FAM114A1: variants seen among roughly 807,000 people sequenced by gnomAD.
FAM114A1 encodes the protein family with sequence similarity 114 member A1.
A neutral mutation model predicts 64.3 loss-of-function variants in FAM114A1; 62 were observed. That is an observed-to-expected ratio of 0.96 (90% confidence interval 0.79 to 1.19). The LOEUF (loss-of-function observed/expected upper bound fraction) is 1.19. Among genes scored for constraint, FAM114A1 ranks in the 50% most tolerant of loss-of-function variants. The pLI, the probability that FAM114A1 is intolerant of heterozygous loss-of-function variation, is 0.00. For missense variants in FAM114A1, 645 were observed against 676.3 expected (o/e 0.95, Z 0.51); for synonymous variants, 254 against 251.1 (o/e 1.01, Z -0.11).
chr4:38,899,840 CATTTTGA>C (rs1291707144), intron 4 of FAM114A1, among the ~76,000 whole-genome samples: 1 of 152,110 alleles, frequency 6.6e-6, no homozygotes, highest in East Asian at 1.9e-4. Context: ...TCCAATATTA[CATTTTGA>C]ATACATTTAA....
intron 14 of FAM114A1, among the ~76,000 whole-genome samples, chr4:38,941,887 A>G (rs539943097): frequency 2.0e-5 from 3 of 152,340 alleles, no homozygotes; most frequent in East Asian, 1.9e-4. Context: ...TATTAGTCCA[A>G]TTTCACACTG....
chr4:38,942,391 A>G (rs1560339908), intron 14 of FAM114A1, among the ~76,000 whole-genome samples: 1 of 152,172 alleles, frequency 6.6e-6, no homozygotes, highest in Non-Finnish European at 1.5e-5. Flanking sequence ...TAGGAGCTGT[A>G]GGGGCAGGTC....
At chr4:38,922,609 A>C (rs12513149) in intron 8 of FAM114A1, among the ~76,000 whole-genome samples, 161 bp from the exon 9 acceptor site, 30,699 of 152,194 alleles carry the variant, frequency 0.2, 3,277 homozygotes, top group Middle Eastern at 0.3. Context: ...TCTAACTTGC[A>C]CAAAGTTGCA....
chr4:38,891,888 C>A (rs907446766), intron 4 of FAM114A1, 58 bp downstream of exon 4: 23 of 1,479,010 alleles, frequency 1.6e-5, no homozygotes, highest in Non-Finnish European at 2.1e-5. Flanking sequence ...TAGGATAGGA[C>A]GTTTTGATCG....
intron 3 of FAM114A1, 77 bp from the exon 4 acceptor site, chr4:38,891,666 T>A: frequency 1.6e-6 from 2 of 1,278,796 alleles, no homozygotes; most frequent in Non-Finnish European, 2.2e-6. Flanking sequence ...ACCTCCTCTT[T>A]GTTTCAAACC....
intron 4 of FAM114A1, among the ~76,000 whole-genome samples, chr4:38,903,239 C>T (rs543946182): frequency 2.6e-5 from 4 of 152,268 alleles, no homozygotes; most frequent in African/African-American, 4.8e-5. Flanking sequence ...AGAGGCAGCT[C>T]GTGTATACAT....
intron 1 of FAM114A1, chr4:38,868,055 G>A (rs1713620243): frequency 2.4e-6 from 1 of 422,256 alleles, no homozygotes; most frequent in South Asian, 1.6e-5. Flanking sequence ...GTGCGGGCGT[G>A]TGAGTGTGTG....
intron 12 of FAM114A1, among the ~76,000 whole-genome samples, chr4:38,933,523 A>G (rs887318294): frequency 6.6e-6 from 1 of 152,342 alleles, no homozygotes; most frequent in African/African-American, 2.4e-5. Context: ...GTGTTGTCCT[A>G]TATCATGTTC....
chr4:38,926,556 A>G (rs1202146863), intron 9 of FAM114A1, among the ~76,000 whole-genome samples: 2 of 151,712 alleles, frequency 1.3e-5, no homozygotes, highest in South Asian at 4.2e-4. Flanking sequence ...CCCGGGTTCA[A>G]GTGATTCTCC....
chr4:38,888,600 A>G (rs2109593432), intron 3 of FAM114A1, among the ~76,000 whole-genome samples: 1 of 152,354 alleles, frequency 6.6e-6, no homozygotes, highest in Non-Finnish European at 1.5e-5. Context: ...AGATGTTTAA[A>G]TGATTTCCAG....
chr4:38,878,893 G>A (rs1299046598), intron 3 of FAM114A1, among the ~76,000 whole-genome samples: 1 of 152,202 alleles, frequency 6.6e-6, no homozygotes. Context: ...GTTTCTTTAA[G>A]ATCACTTAAA....
intron 7 of FAM114A1, among the ~76,000 whole-genome samples, chr4:38,912,192 G>A (rs532940356): frequency 1.3e-4 from 19 of 151,884 alleles, no homozygotes; most frequent in African/African-American, 4.6e-4. Context: ...AATAACACGG[G>A]GACAGGGGGT....
intron 9 of FAM114A1, among the ~76,000 whole-genome samples, chr4:38,925,952 A>C (rs1579390478): frequency 1.3e-5 from 2 of 152,290 alleles, no homozygotes; most frequent in East Asian, 3.9e-4. Flanking sequence ...GGAGCTCTAC[A>C]AAGTGCTTGT....
chr4:38,884,118 G>A (rs957275166), intron 3 of FAM114A1, among the ~76,000 whole-genome samples: 1 of 152,184 alleles, frequency 6.6e-6, no homozygotes, highest in African/African-American at 2.4e-5. Context: ...AGCTAGTTGG[G>A]GTACGGGGAA....
chr4:38,930,328 G>T (rs923980533), intron 10 of FAM114A1, among the ~76,000 whole-genome samples: 1 of 152,066 alleles, frequency 6.6e-6, no homozygotes, highest in African/African-American at 2.4e-5. Context: ...GGTTTACATA[G>T]GTACTCACTT....
At chr4:38,886,253 C>A (rs1176506177) in intron 3 of FAM114A1, among the ~76,000 whole-genome samples, 1 of 151,326 alleles carries the variant, frequency 6.6e-6, no homozygotes, top group Non-Finnish European at 1.5e-5. Flanking sequence ...CTCACTGCAA[C>A]CTCCGCCTCC....
intron 8 of FAM114A1, among the ~76,000 whole-genome samples, chr4:38,915,531 A>G (rs1048817756): frequency 5.3e-5 from 8 of 152,166 alleles, no homozygotes; most frequent in Non-Finnish European, 8.8e-5. Context: ...TTATTCAGCC[A>G]TCTTGTTAGG....
chr4:38,933,043 G>A (rs1479551964), intron 12 of FAM114A1, among the ~76,000 whole-genome samples: 11 of 151,882 alleles, frequency 7.2e-5, no homozygotes, highest in African/African-American at 2.2e-4. Flanking sequence ...TAGTAGAGAC[G>A]GGTTTTCACC....
intron 9 of FAM114A1, among the ~76,000 whole-genome samples, chr4:38,923,995 A>C (rs560096221): frequency 7.9e-5 from 12 of 152,212 alleles, no homozygotes; most frequent in Non-Finnish European, 1.2e-4. Flanking sequence ...TGTTTTGTGT[A>C]GGTTATGCTG....
Sources: allele counts gnomAD v4.1 joint callset (sites outside exome capture counted in the v4.1 genomes callset), GRCh38; gene constraint gnomAD v4.1.1; transcripts MANE v1.5; gene names NCBI Gene and HGNC (gene_info 2026-07-23, HGNC 2026-07-21).